The following LRRC4C variants were observed in gnomAD, a reference collection of about 807,000 sequenced individuals.
The protein encoded by LRRC4C is leucine rich repeat containing 4C, also known as leucine-rich repeat-containing protein 4C.
LRRC4C carries 5 observed loss-of-function variants against 33.6 expected under a neutral mutation model. The observed-to-expected ratio is 0.15, with a 90% CI of 0.08 to 0.31. LRRC4C has a LOEUF of 0.31. Among genes scored for constraint, LRRC4C ranks in the 10% least tolerant of loss-of-function variants. The probability of loss-of-function intolerance (pLI) is 1.00; values close to 1 mark genes in which losing one functional copy is unlikely to be tolerated. For missense variants in LRRC4C, 560 were observed against 796.7 expected (o/e 0.70, Z 3.58); for synonymous variants, 329 against 302.0 (o/e 1.09, Z -0.93).
At chr11:40,144,384 G>A (rs1857577788) in intron 5 of LRRC4C, among the ~76,000 whole-genome samples, 3 of 152,004 alleles carry the variant, frequency 2.0e-5, no homozygotes, top group South Asian at 2.1e-4. Context: ...CTTACAAATG[G>A]CTAAACAACT....
chr11:40,948,614 G>A (rs539940390), intron 1 of LRRC4C, among the ~76,000 whole-genome samples: 6,145 of 145,366 alleles, frequency 0.042, 184 homozygotes, highest in South Asian at 0.14. Flanking sequence ...GAGAATATGC[G>A]GTGTTTGGTT....
chr11:40,521,960 G>T (rs1189063298), intron 3 of LRRC4C, among the ~76,000 whole-genome samples: 1 of 152,142 alleles, frequency 6.6e-6, no homozygotes, highest in Non-Finnish European at 1.5e-5. Context: ...GTAAACATTT[G>T]CAGGAAGTTT....
chr11:40,899,991 T>C (rs1047245728), intron 2 of LRRC4C, among the ~76,000 whole-genome samples: 6 of 152,138 alleles, frequency 3.9e-5, no homozygotes, highest in African/African-American at 1.4e-4. Context: ...TTTTGCCCCA[T>C]GGTTTTAGTG....
chr11:40,135,551 C>A (rs1856912392), intron 6 of LRRC4C, among the ~76,000 whole-genome samples: 1 of 152,154 alleles, frequency 6.6e-6, no homozygotes, highest in African/African-American at 2.4e-5. Flanking sequence ...GAGCTGGGTC[C>A]TTATGGTATC....
rs542322057 is a variant in LRRC4C, at chr11:41,071,515, A to G, written c.-495-137792T>C. ...TTCTCTGCTCTATAAATGAAACAGC[A>G]AAGCCTAGATGAAAGCATGGTATAC... On this transcript the variant is annotated intron_variant, in intron 1 of 6. Coordinates refer to ENST00000528697, the MANE Select transcript of LRRC4C (RefSeq NM_001258419.2). 1.2e-4 allele frequency among the ~76,000 whole-genome samples: 18 copies of G among 152,356 alleles called. No homozygotes were observed. The South Asian group carries it at 3.5e-3, about 30-fold the overall frequency.
At chr11:40,599,314 C>T (rs903640143) in intron 3 of LRRC4C, among the ~76,000 whole-genome samples, 3 of 151,882 alleles carry the variant, frequency 2.0e-5, no homozygotes, top group Non-Finnish European at 4.4e-5. Flanking sequence ...CACCAGGTTT[C>T]GTGGCATGCA....
chr11:41,081,497 C>T (rs1018743883), intron 1 of LRRC4C, among the ~76,000 whole-genome samples: 12 of 152,088 alleles, frequency 7.9e-5, no homozygotes, highest in African/African-American at 2.9e-4. Flanking sequence ...CTTGAGGAGT[C>T]ATTTCTGCCT....
chr11:40,334,879 A>G (rs150792079), intron 3 of LRRC4C, among the ~76,000 whole-genome samples: 1 of 152,320 alleles, frequency 6.6e-6, no homozygotes, highest in East Asian at 1.9e-4. Context: ...ATAGGATAAC[A>G]GCGATCTGGC....
intron 2 of LRRC4C, among the ~76,000 whole-genome samples, chr11:40,897,239 C>A (rs184808268): frequency 5.4e-4 from 82 of 152,100 alleles, no homozygotes; most frequent in African/African-American, 1.8e-3. Context: ...GGATTCAGAA[C>A]AAAACTAAAG....
chr11:41,411,073 T>C (rs1954456486), intron 1 of LRRC4C, among the ~76,000 whole-genome samples: 1 of 151,350 alleles, frequency 6.6e-6, no homozygotes, highest in South Asian at 2.1e-4. Context: ...GAGATCTTTA[T>C]CTAGATGGTT....
At chr11:41,217,123 G>A (rs1947096099) in intron 1 of LRRC4C, among the ~76,000 whole-genome samples, 1 of 152,138 alleles carries the variant, frequency 6.6e-6, no homozygotes, top group South Asian at 2.1e-4. Context: ...TATGGACAGT[G>A]AGTTTGGATT....
chr11:41,164,011 T>C (rs1364056256), intron 1 of LRRC4C, among the ~76,000 whole-genome samples: 1 of 152,160 alleles, frequency 6.6e-6, no homozygotes, highest in East Asian at 1.9e-4. Context: ...TACAAGCCTA[T>C]AGTGTGTAAT....
chr11:41,402,553 C>T (rs1301175179), intron 1 of LRRC4C, among the ~76,000 whole-genome samples: 1 of 152,002 alleles, frequency 6.6e-6, no homozygotes, highest in African/African-American at 2.4e-5. Context: ...CAGTAAACAT[C>T]TAATCTAAGT....
chr11:40,547,687 C>T (rs1205722432), intron 3 of LRRC4C, among the ~76,000 whole-genome samples: 1 of 152,046 alleles, frequency 6.6e-6, no homozygotes, highest in African/African-American at 2.4e-5. Context: ...AACTTAAACA[C>T]CCTATAGGAC....
At chr11:40,654,280 T>A (rs7935118) in intron 2 of LRRC4C, among the ~76,000 whole-genome samples, 1 of 151,874 alleles carries the variant, frequency 6.6e-6, no homozygotes, top group Non-Finnish European at 1.5e-5. Flanking sequence ...TTTTGCACTG[T>A]GTGCTGGGAA....
intron 5 of LRRC4C, among the ~76,000 whole-genome samples, chr11:40,141,540 C>A (rs145626156): frequency 6.6e-6 from 1 of 152,130 alleles, no homozygotes; most frequent in Non-Finnish European, 1.5e-5. Flanking sequence ...GGTCTTCCAA[C>A]CTTGGAAATA....
intron 5 of LRRC4C, among the ~76,000 whole-genome samples, chr11:40,163,564 G>A (rs1298010365): frequency 1.3e-5 from 2 of 152,118 alleles, no homozygotes; most frequent in African/African-American, 2.4e-5. Context: ...ATATGTATGA[G>A]TATGTATATA....
chr11:41,383,079 G>A (rs954118532), intron 1 of LRRC4C, among the ~76,000 whole-genome samples: 1 of 152,056 alleles, frequency 6.6e-6, no homozygotes, highest in African/African-American at 2.4e-5. Flanking sequence ...GCGAACTACA[G>A]GACACCAAGA....
chr11:40,513,494 G>A (rs1330560456), intron 3 of LRRC4C, among the ~76,000 whole-genome samples: 1 of 152,108 alleles, frequency 6.6e-6, no homozygotes, highest in Non-Finnish European at 1.5e-5. Context: ...AAAGCACAGT[G>A]CAGCTGATAA....
Sources: allele counts gnomAD v4.1 joint callset (sites outside exome capture counted in the v4.1 genomes callset), GRCh38; gene constraint gnomAD v4.1.1; transcripts MANE v1.5; gene names NCBI Gene and HGNC (gene_info 2026-07-23, HGNC 2026-07-21).